ANKH: variants seen among roughly 807,000 people sequenced by gnomAD.
The protein encoded by ANKH is mineralization regulator ANKH.
ANKH carries 15 observed loss-of-function variants against 49.0 expected under a neutral mutation model. That is an observed-to-expected ratio of 0.31 (90% CI 0.20 to 0.47). The LOEUF is 0.47. Ranked by LOEUF, ANKH falls within the 20% of genes least tolerant of loss-of-function variation. The pLI, the probability that ANKH is intolerant of heterozygous loss-of-function variation, is 1.00. For missense variants in ANKH, 429 were observed against 652.0 expected (o/e 0.66, Z 3.72); for synonymous variants, 273 against 260.0 (o/e 1.05, Z -0.48).
chr5:14,865,222 T>A (rs1229787255), intron 1 of ANKH, among the ~76,000 whole-genome samples: 2 of 151,900 alleles, frequency 1.3e-5, no homozygotes, highest in Non-Finnish European at 2.9e-5. Flanking sequence ...ATCACACCAT[T>A]GCACTCCAGC....
In ANKH at chr5:14,707,985, TTCC is replaced by T. The variant is rs1737005376; in HGVS notation, c.*3209_*3211del. 1 of 152,166 alleles carries T rather than the reference TTCC, an allele frequency of 6.6e-6. No individual in the cohort carries two copies. 9.4% of individuals were successfully genotyped at this position (152,166 alleles called of 1,614,324 possible). A position where few individuals can be genotyped will look rare whatever the true frequency, so the allele number is the denominator to read the frequency against. ...TTTAAAGAATCCCAAACGGGAGAGTTTCCTGCCAATGTGCAAATCCGTCAATAC... is the reference window on the plus strand; with the variant it reads ...TTTAAAGAATCCCAAACGGGAGAGTTTGCCAATGTGCAAATCCGTCAATAC... On this transcript the variant is annotated 3_prime_UTR_variant, in exon 12 of 12. Transcript: ENST00000284268.
intron 1 of ANKH, among the ~76,000 whole-genome samples, chr5:14,791,468 T>C (rs1740163324): frequency 6.6e-6 from 1 of 152,182 alleles, no homozygotes. Context: ...CTACCCAAGC[T>C]CCTACGGCTG....
intron 1 of ANKH, among the ~76,000 whole-genome samples, chr5:14,816,260 G>A (rs1448786341): frequency 2.0e-5 from 3 of 152,228 alleles, no homozygotes; most frequent in Admixed American, 2.0e-4. Flanking sequence ...TTCAGCGAGT[G>A]ACCTCTGCAG....
intron 8 of ANKH, among the ~76,000 whole-genome samples, chr5:14,731,423 C>T (rs867893521): frequency 6.6e-6 from 1 of 152,100 alleles, no homozygotes; most frequent in Non-Finnish European, 1.5e-5. Context: ...AAATGTGCCA[C>T]GAGAAAGAAG....
At position 14,755,912 on chromosome 5, in the gene ANKH, G is replaced by A. The variant is rs367741351; in HGVS notation, c.465C>T (p.His155=). 7 of 1,613,960 alleles carry A rather than the reference G, an allele frequency of 4.3e-6. No homozygotes were observed. In the African/African-American group the frequency reaches 8.0e-5, roughly 18 times the overall value. Residue 155 remains histidine, a synonymous_variant, in exon 4 of 12, where the codon CAC becomes CAT. Transcript: ENST00000284268. ...CACATCCCACCAGGAAACTGTATTT[G>A]TGTTTTAAGAGAATGCCAGCATGGG... ...AWTHAGILLK[H]KYSFLVGCAS... is the part of the protein sequence containing the mutation.
At chr5:14,855,268 C>G (rs74855615) in intron 1 of ANKH, among the ~76,000 whole-genome samples, 2,364 of 152,294 alleles carry the variant, frequency 0.016, 47 homozygotes, top group African/African-American at 0.054. Flanking sequence ...TTCCTCCCAG[C>G]CTTGGTCCTA....
At chr5:14,732,814 CCTGTGGCT>C (rs1463299275) in intron 8 of ANKH, among the ~76,000 whole-genome samples, 8 of 152,130 alleles carry the variant, frequency 5.3e-5, no homozygotes, top group Non-Finnish European at 7.4e-5. Flanking sequence ...GAACCCAAGC[CCTGTGGCT>C]CCAGGGCCCA....
At position 14,745,724 on chromosome 5, in the gene ANKH, ATTCC is replaced by A. The variant is rs1457047493; in HGVS notation, c.915+142_915+145del. 4 of 742,558 alleles carry A rather than the reference ATTCC, an allele frequency of 5.4e-6. No homozygotes were observed. The East Asian group carries it at 1.1e-4, about 20-fold the overall frequency. The allele number at this position is 742,558 out of a possible 1,614,324, so 46.0% of individuals were successfully genotyped here. On this transcript the variant is annotated intron_variant, in intron 7 of 11. Coordinates refer to ENST00000284268, the MANE Select transcript of ANKH (RefSeq NM_054027.6). This position sits in a 1 kb window ranked among gnomAD's most constrained non-coding sequence, Gnocchi z 4.7. Reference sequence around the variant, plus strand: ...GCCCCTGTTATTTTCTGAGGAAAATATTCCTTCAATGCCCCCAACGTCACATTAA... The same window carrying A: ...GCCCCTGTTATTTTCTGAGGAAAATATTCAATGCCCCCAACGTCACATTAA...
At chr5:14,730,074 G>T (rs1737946777) in intron 8 of ANKH, among the ~76,000 whole-genome samples, 2 of 152,300 alleles carry the variant, frequency 1.3e-5, no homozygotes, top group African/African-American at 4.8e-5. Context: ...ATCCATGCTG[G>T]GTTCTACAGA....
chr5:14,846,374 A>G (rs1424195342), intron 1 of ANKH, among the ~76,000 whole-genome samples: 1 of 152,208 alleles, frequency 6.6e-6, no homozygotes. Flanking sequence ...GAGCAGTGGG[A>G]AAACAGCCAT....
intron 5 of ANKH, among the ~76,000 whole-genome samples, chr5:14,750,543 T>C (rs1157071891): frequency 2.0e-5 from 3 of 152,192 alleles, no homozygotes; most frequent in African/African-American, 7.2e-5. Flanking sequence ...AGATGGGATA[T>C]GATGCTGCTT....
chr5:14,793,252 C>T (rs1159567669), intron 1 of ANKH, among the ~76,000 whole-genome samples: 9 of 151,286 alleles, frequency 5.9e-5, no homozygotes, highest in African/African-American at 1.9e-4. Flanking sequence ...TTGACCCTGA[C>T]ATCTAAGGGT....
At position 14,708,154 on chromosome 5, in the gene ANKH, CA is replaced by C. The variant is rs1737012956; in HGVS notation, c.*3042del. 1 of 152,254 alleles carries C rather than the reference CA, an allele frequency of 6.6e-6. No homozygotes were observed. Among genetic ancestry groups the C allele is most frequent in the Non-Finnish European group, 1.5e-5 (1 of 68,048 alleles). 9.4% of individuals were successfully genotyped at this position (152,254 alleles called of 1,614,324 possible). On this transcript the variant is annotated 3_prime_UTR_variant, in exon 12 of 12. Coordinates refer to ENST00000284268, the MANE Select transcript of ANKH (RefSeq NM_054027.6). ...CTGTAAGTCACTACAGAACAAATGG[CA>C]ACTGCACATTTAGGATGACGTCCCT... is the stretch of plus-strand genomic sequence containing the variant.
rs771617766 is a variant in ANKH, at chr5:14,708,685, C to T, written c.*2512G>A. 6.6e-5 allele frequency: 10 copies of T among 152,186 alleles called. No individual in the cohort carries two copies. The highest frequency in any genetic ancestry group is 3.3e-4 in the Admixed American group (5 of 15,268). 9.4% of individuals were successfully genotyped at this position (152,186 alleles called of 1,614,324 possible). A position where few individuals can be genotyped will look rare whatever the true frequency, so the allele number is the denominator to read the frequency against. On this transcript the variant is annotated 3_prime_UTR_variant, in exon 12 of 12. Coordinates refer to ENST00000284268, the MANE Select transcript of ANKH (RefSeq NM_054027.6). ...GAAGAAAATGTACGAAGAAGGATCA[C>T]GTGCTTTAAGGTGAAAGGTTTGAAC... is the stretch of plus-strand genomic sequence containing the variant.
At chr5:14,848,740 G>A (rs1022629062) in intron 1 of ANKH, among the ~76,000 whole-genome samples, 8 of 152,274 alleles carry the variant, frequency 5.3e-5, no homozygotes, top group South Asian at 2.1e-4. Flanking sequence ...CGTGACCCAC[G>A]GCTTCTAATA....
chr5:14,756,483 G>C (rs1342101396), intron 3 of ANKH, among the ~76,000 whole-genome samples: 1 of 152,180 alleles, frequency 6.6e-6, no homozygotes, highest in Non-Finnish European at 1.5e-5. Flanking sequence ...AAAAGCCCGA[G>C]GAACAGCAGG....
At chr5:14,747,692 C>G (rs72732801) in intron 6 of ANKH, among the ~76,000 whole-genome samples, 2 of 152,140 alleles carry the variant, frequency 1.3e-5, no homozygotes. Flanking sequence ...AGGAGGAGAA[C>G]GAGCTTCATC....
chr5:14,765,362 A>C (rs1438728786), intron 2 of ANKH, among the ~76,000 whole-genome samples: 2 of 152,040 alleles, frequency 1.3e-5, no homozygotes, highest in Non-Finnish European at 2.9e-5. Context: ...CTAGACTTCA[A>C]CTCTCTCAGT....
chr5:14,858,742 TA>T (rs1401189501), intron 1 of ANKH, among the ~76,000 whole-genome samples: 10 of 92,206 alleles, frequency 1.1e-4, no homozygotes, highest in South Asian at 3.4e-4. Flanking sequence ...AATAAATAAA[TA>T]AATAAATAAA....
Sources: gnomAD v4.1 joint callset for allele counts (sites outside exome capture counted in the v4.1 genomes callset) on GRCh38, gnomAD v4.1.1 for gene constraint, Gnocchi (gnomAD v3.1) non-coding constraint, MANE v1.5 for transcripts, NCBI Gene and HGNC (gene_info 2026-07-23, HGNC 2026-07-21) for gene names.